Variants in NLN observed in about 807,000 individuals in gnomAD.
The protein encoded by NLN is neurolysin.
In NLN, 64 loss-of-function variants were observed where a neutral mutation model predicts 79.9. The ratio of observed to expected loss-of-function variants is 0.80; its 90% CI spans 0.65 to 0.99. The LOEUF (loss-of-function observed/expected upper bound fraction) is 0.99, where lower values mean the gene tolerates loss of function less well. Among genes scored for constraint, NLN ranks in the 50% least tolerant of loss-of-function variants. The pLI is 0.00. For synonymous variants in NLN, 267 were observed against 296.6 expected (o/e 0.90, Z 1.02); for missense variants, 835 against 858.7 (o/e 0.97, Z 0.34).
At chr5:65,739,287 T>C (rs1758821682) in intron 1 of NLN, among the ~76,000 whole-genome samples, 1 of 151,956 alleles carries the variant, frequency 6.6e-6, no homozygotes, top group South Asian at 2.1e-4. Flanking sequence ...TGTCTTTCTG[T>C]TGCTGGCTTA....
At chr5:65,787,313 C>T (rs956212260) in intron 7 of NLN, among the ~76,000 whole-genome samples, 3 of 151,920 alleles carry the variant, frequency 2.0e-5, no homozygotes, top group African/African-American at 7.3e-5. Context: ...TGCACGCACA[C>T]ATGCACATGG....
At chr5:65,796,559 A>G (rs577002799) in intron 9 of NLN, among the ~76,000 whole-genome samples, 1 of 152,332 alleles carries the variant, frequency 6.6e-6, no homozygotes, top group Admixed American at 6.5e-5. Context: ...TGTTGGTACA[A>G]TTCTTTACTT....
chr5:65,783,545 G>A (rs1391599623), intron 6 of NLN, among the ~76,000 whole-genome samples: 4 of 152,024 alleles, frequency 2.6e-5, no homozygotes, highest in African/African-American at 9.7e-5. Flanking sequence ...AACGTAATTA[G>A]GTAACCAAGT....
At chr5:65,758,355 T>C (rs1407555692) in intron 1 of NLN, among the ~76,000 whole-genome samples, 1 of 152,216 alleles carries the variant, frequency 6.6e-6, no homozygotes, top group Non-Finnish European at 1.5e-5. Flanking sequence ...GTTTGAATTA[T>C]ACAAATTTCA....
chr5:65,786,644 A>C (rs1450078206), intron 7 of NLN, among the ~76,000 whole-genome samples: 1 of 151,956 alleles, frequency 6.6e-6, no homozygotes, highest in Non-Finnish European at 1.5e-5. Context: ...ACTACTTGAG[A>C]CCCAGAGTCC....
intron 1 of NLN, among the ~76,000 whole-genome samples, chr5:65,723,611 G>A: frequency 6.6e-6 from 1 of 151,572 alleles, no homozygotes. Context: ...TCAGGAGATC[G>A]AGACCATCCT....
chr5:65,723,600 G>T lies in NLN; in HGVS notation c.41+1186G>T, dbSNP rs1758373249. On this transcript the variant is annotated intron_variant, in intron 1 of 12. Coordinates refer to ENST00000380985, the MANE Select transcript of NLN (RefSeq NM_020726.5). ...GAGGCCGAGGCGGGTGGATCACGAG[G>T]TCAGGAGATCGAGACCATCCTGGCT... Among the ~76,000 whole-genome samples, 3 of 152,060 alleles carry T rather than the reference G, an allele frequency of 2.0e-5. No homozygotes were observed. The South Asian group carries it at 6.2e-4, about 32-fold the overall frequency.
intron 8 of NLN, among the ~76,000 whole-genome samples, chr5:65,792,196 T>C (rs1364462486): frequency 1.3e-5 from 2 of 152,224 alleles, no homozygotes; most frequent in East Asian, 3.8e-4. Flanking sequence ...GCTGTCGGTG[T>C]GACATGCATT....
At chr5:65,790,998 T>C (rs569029683) in intron 8 of NLN, among the ~76,000 whole-genome samples, 2 of 152,348 alleles carry the variant, frequency 1.3e-5, no homozygotes, top group Admixed American at 6.5e-5. Flanking sequence ...CAGAGAGTAA[T>C]CTTTGTGAAA....
At chr5:65,795,825 T>A (rs909425474) in intron 9 of NLN, among the ~76,000 whole-genome samples, 21 of 152,346 alleles carry the variant, frequency 1.4e-4, no homozygotes, top group African/African-American at 4.6e-4. Context: ...TTTAAAAAAA[T>A]TTTTTGTAAT....
rs374004282 is a variant in NLN, at chr5:65,739,742, A to G, written c.41+17328A>G. On this transcript the variant is annotated intron_variant, in intron 1 of 12. Coordinates refer to ENST00000380985, the MANE Select transcript of NLN (RefSeq NM_020726.5). ...ATGTTTCATTGTGGTTTTAATTTGC[A>G]TTTCCCTAATGTTGATGTTGAGCAT... Among the ~76,000 whole-genome samples, 39 of 152,032 alleles carry G rather than the reference A, an allele frequency of 2.6e-4. 1 individual carries two copies. Among genetic ancestry groups the G allele is most frequent in the African/African-American group, 8.7e-4 (36 of 41,460 alleles).
chr5:65,767,071 T>C (rs1173431775), intron 3 of NLN, among the ~76,000 whole-genome samples: 1 of 152,190 alleles, frequency 6.6e-6, no homozygotes, highest in Non-Finnish European at 1.5e-5. Context: ...CAAGCTGTCA[T>C]GTGGATCTAC....
intron 1 of NLN, among the ~76,000 whole-genome samples, chr5:65,755,196 GA>G (rs1307961812): frequency 6.6e-6 from 1 of 151,794 alleles, no homozygotes; most frequent in East Asian, 1.9e-4. Context: ...TAATGTAATT[GA>G]AAAAAAGTGG....
chr5:65,797,327 G>A (rs908425342), intron 9 of NLN, among the ~76,000 whole-genome samples: 4 of 152,344 alleles, frequency 2.6e-5, no homozygotes, highest in Non-Finnish European at 4.4e-5. Context: ...TTAATTAAAC[G>A]TGAAAGGGAT....
At position 65,788,200 on chromosome 5, in the gene NLN, CAG is replaced by C. The variant is rs1286162078; in HGVS notation, c.1042_1043del (p.Arg348GlyfsTer3). 5.0e-6 allele frequency: 8 copies of C among 1,613,996 alleles called. No homozygotes were observed. Among genetic ancestry groups the C allele is most frequent in the African/African-American group, 4.0e-5 (3 of 75,010 alleles). The part of the protein sequence containing the change: ...LNLKKKECKD[R>X]GFEYDGKINA... ...ATTTGAAGAAAAAGGAATGCAAAGACAGGGGTTTTGAATATGATGGGAAAATC... is the reference window on the plus strand; with the variant it reads ...ATTTGAAGAAAAAGGAATGCAAAGACGGGTTTTGAATATGATGGGAAAATC... On this transcript the variant is annotated frameshift_variant, in exon 8 of 13. Coordinates refer to ENST00000380985, the MANE Select transcript of NLN (RefSeq NM_020726.5). LOFTEE classifies it high-confidence loss of function.
chr5:65,821,798 G>A (rs549356215), intron 12 of NLN, among the ~76,000 whole-genome samples: 2 of 152,212 alleles, frequency 1.3e-5, no homozygotes, highest in South Asian at 2.1e-4. Flanking sequence ...ATGGCCCTAG[G>A]ACATAAATCA....
intron 12 of NLN, 113 bp downstream of exon 12, chr5:65,812,504 C>T (rs933656128): frequency 2.9e-6 from 2 of 693,326 alleles, no homozygotes; most frequent in Non-Finnish European, 4.9e-6. Context: ...TTGGTAACAG[C>T]TTTTACCTCT....
In NLN at chr5:65,824,625, T is replaced by C. The variant is rs1308437587; in HGVS notation, c.*1710T>C. The C allele has an allele frequency of 1.3e-5, 2 of 152,198 alleles. No homozygotes were observed. The highest frequency in any genetic ancestry group is 4.8e-5 in the African/African-American group (2 of 41,458). The allele number at this position is 152,198 out of a possible 1,614,324, so 9.4% of individuals were successfully genotyped here. On this transcript the variant is annotated 3_prime_UTR_variant, in exon 13 of 13. Coordinates refer to ENST00000380985, the MANE Select transcript of NLN (RefSeq NM_020726.5). ...CTTTACCACTTGAAATCTTATTTCATAGAAAAACTAAATTGGTGTGGAAAG... is the reference window on the plus strand; with the variant it reads ...CTTTACCACTTGAAATCTTATTTCACAGAAAAACTAAATTGGTGTGGAAAG...
Position 65,807,298 on chromosome 5 carries a change from AG to A in NLN, c.1528-2216del. 2.0e-5 allele frequency among the ~76,000 whole-genome samples: 3 copies of A among 152,272 alleles called. No homozygotes were observed. In the South Asian group the frequency reaches 6.2e-4, roughly 32 times the overall value. On this transcript the variant is annotated intron_variant, in intron 9 of 12. Transcript: ENST00000380985. ...CCTGATTATAACTACCACCATGATC[AG>A]TCAGCAGCCATCAACATTGATGGAG...
Sources: gnomAD v4.1 joint callset for allele counts (sites outside exome capture counted in the v4.1 genomes callset) on GRCh38, gnomAD v4.1.1 for gene constraint, MANE v1.5 for transcripts, NCBI Gene and HGNC (gene_info 2026-07-23, HGNC 2026-07-21) for gene names.